CCND3: variants seen among roughly 807,000 people sequenced by gnomAD.
The protein encoded by CCND3 is G1/S-specific cyclin-D3.
In CCND3, 9 loss-of-function variants were observed where a neutral mutation model predicts 28.7. That is an observed-to-expected ratio of 0.31 (90% CI 0.19 to 0.55). The LOEUF (loss-of-function observed/expected upper bound fraction) is 0.55, where lower values mean the gene tolerates loss of function less well. Among genes scored for constraint, CCND3 ranks in the 20% least tolerant of loss-of-function variants. The pLI is 0.93. For synonymous variants in CCND3, 164 were observed against 163.9 expected (o/e 1.00, Z 0.00); for missense variants, 315 against 385.8 (o/e 0.82, Z 1.54).
Position 42,029,534 on chromosome 6 carries a change from C to G in CCND3, c.-46+18967G>C, listed in dbSNP as rs369565033. Among the ~76,000 whole-genome samples, 45 of 152,122 alleles carry G rather than the reference C, an allele frequency of 3.0e-4. 1 individual carries two copies. In the South Asian group the frequency reaches 9.1e-3, roughly 31 times the overall value. ...ATTAGAGACTAAGAGGGCAGTGAGA[C>G]CCCCACACATACTCTCACTGGGGCC... is the stretch of plus-strand genomic sequence containing the variant. On this transcript the variant is annotated intron_variant, in intron 1 of 4. Transcript: ENST00000372988.
chr6:42,029,369 T>G (rs1032150123), intron 1 of CCND3, among the ~76,000 whole-genome samples: 1 of 152,142 alleles, frequency 6.6e-6, no homozygotes, highest in Non-Finnish European at 1.5e-5. Context: ...ATATATTTAT[T>G]GAGTCTGCTG....
chr6:41,998,287 C>A (rs1341314927), intron 1 of CCND3, among the ~76,000 whole-genome samples: 7 of 118,292 alleles, frequency 5.9e-5, no homozygotes, highest in African/African-American at 1.6e-4. Context: ...GACTCCACCT[C>A]AAAAAAAAAA....
At chr6:41,981,593 G>A (rs9296371) in intron 1 of CCND3, among the ~76,000 whole-genome samples, 150,636 of 152,080 alleles carry the variant, frequency 0.99, 74,613 homozygotes, top group Middle Eastern at 1. Flanking sequence ...GCGTGTTCTC[G>A]GCTTACTGCA....
At chr6:42,002,875 AAG>A (rs1364497519) in intron 1 of CCND3, among the ~76,000 whole-genome samples, 7 of 151,280 alleles carry the variant, frequency 4.6e-5, no homozygotes, top group Admixed American at 4.6e-4. Context: ...AAAGAAAGAA[AAG>A]AGAGGCCGGG....
chr6:42,048,734 G>A lies in CCND3; in HGVS notation c.-279C>T. ...CCGATCCAGAGCTGGGCAGGAAGTG[G>A]GGAAGAGGGGGCGGAGGAGACAAAG... On this transcript the variant is annotated 5_prime_UTR_variant, in exon 1 of 5. Coordinates refer to the CCND3 transcript ENST00000372988. The surrounding 1 kb of genome is among the most constrained non-coding windows in gnomAD (Gnocchi z 4.7). The A allele has an allele frequency of 2.0e-6, 1 of 499,616 alleles. No homozygotes were observed. The allele number at this position is 499,616 out of a possible 1,614,324, so 30.9% of individuals were successfully genotyped here.
chr6:41,974,909 C>T (rs1762132857), intron 1 of CCND3, among the ~76,000 whole-genome samples: 2 of 151,664 alleles, frequency 1.3e-5, no homozygotes, highest in African/African-American at 4.9e-5. Flanking sequence ...TCTCCTGCCT[C>T]AGCCTCCCGA....
intron 1 of CCND3, among the ~76,000 whole-genome samples, chr6:42,027,222 G>C (rs182511439): frequency 3.3e-5 from 5 of 152,060 alleles, no homozygotes; most frequent in African/African-American, 7.2e-5. Flanking sequence ...GGCAGATCAC[G>C]AGGTCAGGGG....
At position 42,044,956 on chromosome 6, in the gene CCND3, C is replaced by CTTTTTT. The variant is rs1562002036; in HGVS notation, c.-46+3544_-46+3545insAAAAAA. 6.5e-5 allele frequency among the ~76,000 whole-genome samples: 8 copies of CTTTTTT among 123,918 alleles called. 1 individual carries two copies. The highest frequency in any genetic ancestry group is 8.2e-5 in the Non-Finnish European group (5 of 60,976). 81.3% of individuals were successfully genotyped at this position (123,918 alleles called of 152,430 possible). ...GGCCCGTGCGACCACGCCCGGCTAA[C>CTTTTTT]GTTTTTTTTTTTTTTTTTTTTGTAT... On this transcript the variant is annotated intron_variant, in intron 1 of 4. Coordinates refer to the CCND3 transcript ENST00000372988.
At chr6:41,980,268 T>C (rs1762306470) in intron 1 of CCND3, among the ~76,000 whole-genome samples, 1 of 152,064 alleles carries the variant, frequency 6.6e-6, no homozygotes, top group African/African-American at 2.4e-5. Flanking sequence ...CCTGAATAGC[T>C]GGGACTACAG....
intron 1 of CCND3, among the ~76,000 whole-genome samples, chr6:41,966,827 T>C (rs1761900534): frequency 6.6e-6 from 1 of 152,160 alleles, no homozygotes; most frequent in Non-Finnish European, 1.5e-5. Flanking sequence ...TATTCACTCA[T>C]TTGCAGTTGA....
intron 1 of CCND3, among the ~76,000 whole-genome samples, chr6:41,989,378 C>A (rs1189088039): frequency 6.9e-6 from 1 of 144,314 alleles, no homozygotes; most frequent in Non-Finnish European, 1.5e-5. Context: ...TCGCTTGAAC[C>A]TGGGAGATGG....
At chr6:42,040,479 C>T (rs1261238847) in intron 1 of CCND3, among the ~76,000 whole-genome samples, 1 of 152,098 alleles carries the variant, frequency 6.6e-6, no homozygotes, top group African/African-American at 2.4e-5. Context: ...GTTATTTCAG[C>T]CACCAGGCTC....
At chr6:41,971,684 G>A (rs549501607) in intron 1 of CCND3, among the ~76,000 whole-genome samples, 16 of 151,460 alleles carry the variant, frequency 1.1e-4, no homozygotes, top group African/African-American at 3.9e-4. Context: ...TGCAACTATA[G>A]GCGCTCCACC....
chr6:42,017,699 G>A (rs1178257902), intron 1 of CCND3, among the ~76,000 whole-genome samples: 1 of 151,862 alleles, frequency 6.6e-6, no homozygotes, highest in Non-Finnish European at 1.5e-5. Flanking sequence ...GAAATAGTGT[G>A]ATGACCTGAG....
chr6:41,989,049 T>C (rs186609358), intron 1 of CCND3, among the ~76,000 whole-genome samples: 3 of 151,988 alleles, frequency 2.0e-5, no homozygotes, highest in Admixed American at 2.0e-4. Context: ...CAAAAGGCAA[T>C]GTCAAAAGAA....
At chr6:41,980,719 G>A (rs1292694176) in intron 1 of CCND3, among the ~76,000 whole-genome samples, 6 of 152,088 alleles carry the variant, frequency 3.9e-5, no homozygotes, top group Admixed American at 3.9e-4. Flanking sequence ...ATGCAAAACT[G>A]GTTCAACATT....
At chr6:41,940,968 A>T in intron 1 of CCND3, 1 of 1,612,792 alleles carries the variant, frequency 6.2e-7, no homozygotes, top group Non-Finnish European at 8.5e-7. Context: ...GGAAGGGAGG[A>T]GGCTCCTGCC....
chr6:41,997,066 T>C (rs1762830793), intron 1 of CCND3, among the ~76,000 whole-genome samples: 1 of 152,214 alleles, frequency 6.6e-6, no homozygotes, highest in East Asian at 1.9e-4. Context: ...CCAGTATCCC[T>C]GTCTGTCCCC....
At chr6:42,034,680 G>C (rs984780206) in intron 1 of CCND3, among the ~76,000 whole-genome samples, 2 of 151,420 alleles carry the variant, frequency 1.3e-5, no homozygotes, top group Non-Finnish European at 2.9e-5. Context: ...GGGTTTCACC[G>C]TCTTGGCCAG....
Sources: gnomAD v4.1 joint callset for allele counts (sites outside exome capture counted in the v4.1 genomes callset) on GRCh38, gnomAD v4.1.1 for gene constraint, Gnocchi (gnomAD v3.1) non-coding constraint, MANE v1.5 for transcripts, NCBI Gene and HGNC (gene_info 2026-07-23, HGNC 2026-07-21) for gene names.